The following METTL1 variants were observed in gnomAD, a reference collection of about 807,000 sequenced individuals.
METTL1 encodes the protein methyltransferase 1, tRNA methylguanosine.
METTL1 carries 14 observed loss-of-function variants against 27.7 expected under a neutral mutation model. The observed-to-expected ratio is 0.51, with a 90% CI of 0.33 to 0.79. The LOEUF (loss-of-function observed/expected upper bound fraction) is 0.79. Ranked by LOEUF, METTL1 falls within the 30% of genes least tolerant of loss-of-function variation. The pLI is 0.02. For missense variants in METTL1, 333 were observed against 359.6 expected, an observed-to-expected ratio of 0.93 and a Z score of 0.60; for synonymous variants, 138 against 137.0, an observed-to-expected ratio of 1.01 and a Z score of -0.05.
At position 57,769,601 on chromosome 12, in the gene METTL1, G is replaced by C; in HGVS notation, c.537C>G (p.Thr179=). 1.3e-6 allele frequency: 2 copies of C among 1,554,280 alleles called. No homozygotes were observed. Among genetic ancestry groups the C allele is most frequent in the East Asian group, 2.3e-5 (1 of 44,336 alleles). Residue 179 remains threonine, a synonymous_variant, in exon 4 of 6, where the codon ACC becomes ACG. Coordinates refer to ENST00000324871, the MANE Select transcript of METTL1 (RefSeq NM_005371.6). ...TKHKWRIISP[T]LLAEYAYVLR... is the part of the protein sequence containing the mutation. ...GCACGTAGGCATATTCTGCTAGCAG[G>C]GTGGGACTGATGATTCGCCACTTGT...
In METTL1 at chr12:57,768,766, C is replaced by A. The variant is rs1298355067; in HGVS notation, c.*230G>T. 3 of 489,032 alleles carry A rather than the reference C, an allele frequency of 6.1e-6. No homozygotes were observed. The highest frequency in any genetic ancestry group is 5.7e-5 in the African/African-American group (3 of 52,728). 30.3% of individuals were successfully genotyped at this position (489,032 alleles called of 1,614,324 possible). A position where few individuals can be genotyped will look rare whatever the true frequency, so the allele number is the denominator to read the frequency against. ...CCAAAGATCCCCTATGGTCCAAAGT[C>A]CTTTGACCATCTCAGTCAGCTGCTT... On this transcript the variant is annotated 3_prime_UTR_variant, in exon 6 of 6. Coordinates refer to ENST00000324871, the MANE Select transcript of METTL1 (RefSeq NM_005371.6).
Position 57,772,078 on chromosome 12 carries a change from T to C in METTL1, c.6A>G (p.Ala2=), listed in dbSNP as rs755913495. 6 of 1,565,050 alleles carry C rather than the reference T, an allele frequency of 3.8e-6. No individual in the cohort carries two copies. Among genetic ancestry groups the C allele is most frequent in the Non-Finnish European group, 5.2e-6 (6 of 1,163,468 alleles). Residue 2 remains alanine, a synonymous_variant, in exon 1 of 6, where the codon GCA becomes GCG. Coordinates refer to ENST00000324871, the MANE Select transcript of METTL1 (RefSeq NM_005371.6). The surrounding 1 kb of genome is among the most constrained non-coding windows in gnomAD (Gnocchi z 4.1). M[A]AETRNVAGAE... is the part of the protein sequence containing the mutation. ...CTCCGGCCACGTTCCGAGTCTCGGC[T>C]GCCATGATCCCAGTCCGGGGTTTCT...
In METTL1 at chr12:57,771,961, G is replaced by T. The variant is rs1272443699; in HGVS notation, c.110+13C>A. ...ATCCCGCCCTCCTCTCTCTCCCTCT[G>T]CCCACTCCTCACTAGCGCAGCGTGT... is the stretch of plus-strand genomic sequence containing the variant. On this transcript the variant is annotated intron_variant, in intron 1 of 5. Transcript: ENST00000324871. 16 of 1,504,032 alleles carry T rather than the reference G, an allele frequency of 1.1e-5. No homozygotes were observed. Among genetic ancestry groups the T allele is most frequent in the Non-Finnish European group, 1.3e-5 (15 of 1,132,232 alleles). The allele number at this position is 1,504,032 out of a possible 1,614,324, so 93.2% of individuals were successfully genotyped here. A position where few individuals can be genotyped will look rare whatever the true frequency, so the allele number is the denominator to read the frequency against.
In METTL1 at chr12:57,769,330, C is replaced by G; in HGVS notation, c.648G>C (p.Leu216=). The change falls in exon 5 of 6, where the codon CTG becomes CTC. Residue 216 remains leucine, a synonymous_variant. Transcript: ENST00000324871. ...GGTCCTCCAGAGGCACACGCTCAAACAGTGGGTGCTCTTCGAAATGAGTGC... is the reference window on the plus strand; with the variant it reads ...GGTCCTCCAGAGGCACACGCTCAAAGAGTGGGTGCTCTTCGAAATGAGTGC... ...WMCTHFEEHP[L]FERVPLEDLS... 6.2e-7 allele frequency: 1 copy of G among 1,614,188 alleles called. No individual in the cohort carries two copies. The highest frequency in any genetic ancestry group is 8.5e-7 in the Non-Finnish European group (1 of 1,180,026).
chr12:57,769,943 C>A lies in METTL1; in HGVS notation c.288G>T (p.Pro96=). The A allele has an allele frequency of 6.2e-7, 1 of 1,607,940 alleles. No homozygotes were observed. Among genetic ancestry groups the A allele is most frequent in the Non-Finnish European group, 8.5e-7 (1 of 1,176,460 alleles). ...GYGGLLVELS[P]LFPDTLILGL... ...CCAGAATAAGTGTGTCTGGGAACAG[C>A]GGTGACAGTTCCACTGCACACAGAA... is the stretch of plus-strand genomic sequence containing the variant. Residue 96 remains proline (P), a synonymous_variant, in exon 3 of 6, where the codon CCG becomes CCT. Transcript: ENST00000324871.
chr12:57,770,987 T>C, intron 2 of METTL1, 107 bp downstream of exon 2: 1 of 1,205,908 alleles, frequency 8.3e-7, no homozygotes, highest in Non-Finnish European at 1.2e-6. Flanking sequence ...ATGTCACCAG[T>C]GTCTGGACGA....
At position 57,771,698 on chromosome 12, in the gene METTL1, A is replaced by G. The variant is rs1955434455; in HGVS notation, c.110+276T>C. 7 of 1,487,322 alleles carry G rather than the reference A, an allele frequency of 4.7e-6. No homozygotes were observed. The Admixed American group carries it at 1.3e-4, about 27-fold the overall frequency. The allele number at this position is 1,487,322 out of a possible 1,614,324, so 92.1% of individuals were successfully genotyped here. ...CAACAAACAAAAGCAAAAGATGGAAACGACATTCTGCCTCTATCACTTCAG... is the reference window on the plus strand; with the variant it reads ...CAACAAACAAAAGCAAAAGATGGAAGCGACATTCTGCCTCTATCACTTCAG... On this transcript the variant is annotated intron_variant, in intron 1 of 5. Transcript: ENST00000324871.
At position 57,769,136 on chromosome 12, in the gene METTL1, C is replaced by A; in HGVS notation, c.691G>T (p.Val231Leu). Residue 231 changes from valine to leucine, a missense_variant, in exon 6 of 6, where the codon GTG becomes TTG. Physicochemically the swap from Val to Leu is conservative, Grantham distance 32 (BLOSUM62 1). Coordinates refer to ENST00000324871, the MANE Select transcript of METTL1 (RefSeq NM_005371.6). The part of the protein sequence containing the change: ...PLEDLSEDPV[V>L]GHLGTSTEEG... ...TCAGTTGAGGTGCCTAGATGTCCCA[C>A]AACGGGGTCTTCACTCTGGGAGAAG... 6.2e-7 allele frequency: 1 copy of A among 1,603,310 alleles called. No individual in the cohort carries two copies. The highest frequency in any genetic ancestry group is 8.5e-7 in the Non-Finnish European group (1 of 1,170,740).
In METTL1 at chr12:57,769,618, G is replaced by A. The variant is rs1267461239; in HGVS notation, c.520C>T (p.Arg174Ter). 3.2e-6 allele frequency: 5 copies of A among 1,553,322 alleles called. No homozygotes were observed. Among genetic ancestry groups the A allele is most frequent in the African/African-American group, 2.7e-5 (2 of 73,514 alleles). The change falls in exon 4 of 6, where the codon CGA becomes TGA. Residue 174 changes from arginine to a stop codon, truncating the protein, a stop_gained. Transcript: ENST00000324871. LOFTEE classifies it high-confidence loss of function. ...PHFKRTKHKW[R>*]IISPTLLAEY... ...GCTAGCAGGGTGGGACTGATGATTC[G>A]CCACTTGTGCTTTGTCCGCTTGAAA... is the stretch of plus-strand genomic sequence containing the variant.
At chr12:57,769,492 A>AC (rs1224810091) in intron 4 of METTL1, 73 bp downstream of exon 4, 9 of 1,578,036 alleles carry the variant, frequency 5.7e-6, no homozygotes. Context: ...CCCTAAATGC[A>AC]CCCCCACTGA....
At chr12:57,770,677 CA>C in intron 2 of METTL1, 2 of 177,966 alleles carry the variant, frequency 1.1e-5, no homozygotes, top group South Asian at 1.3e-4. Context: ...AAGAGGAACC[CA>C]AAAAACAGGA....
At position 57,769,399 on chromosome 12, in the gene METTL1, C is replaced by G; in HGVS notation, c.579G>C (p.Leu193=). The G allele has an allele frequency of 6.2e-7, 1 of 1,614,094 alleles. No homozygotes were observed. The highest frequency in any genetic ancestry group is 1.1e-5 in the South Asian group (1 of 91,074). The change falls in exon 5 of 6, where the codon CTG becomes CTC. Residue 193 remains leucine (L), a synonymous_variant. Coordinates refer to ENST00000324871, the MANE Select transcript of METTL1 (RefSeq NM_005371.6). ...EYAYVLRVGG[L]VYTITDVLEL... ...CCAGCACATCGGTTATGGTATACAC[C>G]AGCCCCTGCATAGGCAAAATCACCC...
chr12:57,769,751 C>T, intron 3 of METTL1, 21 bp downstream of exon 3: 1 of 1,613,242 alleles, frequency 6.2e-7, no homozygotes, highest in Non-Finnish European at 8.5e-7. Context: ...ACCAGCCTAA[C>T]CCACCAGGGC....
rs1955408632 is a variant in METTL1 at position 57,769,912 on chromosome 12, C to T, written c.319G>A (p.Glu107Lys). 1.9e-6 allele frequency: 3 copies of T among 1,613,118 alleles called. No homozygotes were observed. Among genetic ancestry groups the T allele is most frequent in the Non-Finnish European group, 1.7e-6 (2 of 1,179,552 alleles). The change falls in exon 3 of 6, where the codon GAG (glutamate) becomes AAG (lysine). Residue 107 changes from glutamate to lysine, a missense_variant. Glu to Lys is a moderately conservative substitution (Grantham distance 56, BLOSUM62 1). Coordinates refer to ENST00000324871, the MANE Select transcript of METTL1 (RefSeq NM_005371.6). The part of the protein sequence containing the change: ...LFPDTLILGL[E>K]IRVKVSDYVQ... The stretch of plus-strand genomic sequence containing the variant: ...TAGTCTGAGACCTTCACCCGGATCT[C>T]CAGACCCAGAATAAGTGTGTCTGGG...
In METTL1 at chr12:57,772,042, T is replaced by G. The variant is rs1565815163; in HGVS notation, c.42A>C (p.Pro14=). 1.3e-6 allele frequency: 2 copies of G among 1,553,664 alleles called. No individual in the cohort carries two copies. The highest frequency in any genetic ancestry group is 1.7e-6 in the Non-Finnish European group (2 of 1,159,426). Residue 14 remains proline (P), a synonymous_variant, in exon 1 of 6, where the codon CCA becomes CCC. Coordinates refer to ENST00000324871, the MANE Select transcript of METTL1 (RefSeq NM_005371.6). The surrounding 1 kb of genome is among the most constrained non-coding windows in gnomAD (Gnocchi z 4.1). ...ETRNVAGAEA[P]PPQKRYYRQR... ...GCCGGTAGTAGCGCTTCTGGGGCGG[T>G]GGGGCCTCTGCTCCGGCCACGTTCC...
rs1359802489 is a variant in METTL1, at chr12:57,769,337, T to C, written c.641A>G (p.His214Arg). The change falls in exon 5 of 6, where the codon CAC (histidine) becomes CGC (arginine). Residue 214 changes from histidine (H) to arginine (R), a missense_variant. Transcript: ENST00000324871. The part of the protein sequence containing the change: ...HDWMCTHFEE[H>R]PLFERVPLED... ...CAGAGGCACACGCTCAAACAGTGGGTGCTCTTCGAAATGAGTGCACATCCA... is the reference window on the plus strand; with the variant it reads ...CAGAGGCACACGCTCAAACAGTGGGCGCTCTTCGAAATGAGTGCACATCCA... The C allele has an allele frequency of 2.5e-6, 4 of 1,614,152 alleles. No individual in the cohort carries two copies. Among genetic ancestry groups the C allele is most frequent in the East Asian group, 2.2e-5 (1 of 44,882 alleles).
chr12:57,771,187 G>C lies in METTL1; in HGVS notation c.181C>G (p.Gln61Glu). 6.2e-7 allele frequency: 1 copy of C among 1,614,212 alleles called. No individual in the cohort carries two copies. The highest frequency in any genetic ancestry group is 1.1e-5 in the South Asian group (1 of 91,084). The change falls in exon 2 of 6, where the codon CAG becomes GAG. Residue 61 changes from glutamine to glutamate, a missense_variant. Transcript: ENST00000324871. ...PEFFAPLTQNQSHDDPKDKKE... is the reference protein window; with the variant it reads ...PEFFAPLTQNESHDDPKDKKE... Reference sequence around the variant, plus strand: ...TTATCCTTTGGGTCATCGTGGCTCTGATTTTGAGTGAGTGGAGCGAAGAAC... The same window carrying C: ...TTATCCTTTGGGTCATCGTGGCTCTCATTTTGAGTGAGTGGAGCGAAGAAC...
intron 2 of METTL1, chr12:57,770,758 GA>G (rs1421028491): frequency 4.6e-6 from 1 of 216,666 alleles, no homozygotes; most frequent in East Asian, 1.1e-4. Flanking sequence ...GAATCTCTGA[GA>G]AAAGACAGTT....
intron 4 of METTL1, 67 bp from the exon 5 acceptor site, chr12:57,769,471 G>A: frequency 6.3e-7 from 1 of 1,596,372 alleles, no homozygotes; most frequent in Non-Finnish European, 8.6e-7. Flanking sequence ...GAAGGAAGTG[G>A]TGGTGTGAGT....
Sources: gnomAD v4.1 joint callset for allele counts on GRCh38, gnomAD v4.1.1 for gene constraint, Gnocchi (gnomAD v3.1) non-coding constraint, MANE v1.5 for transcripts, NCBI Gene and HGNC (gene_info 2026-07-23, HGNC 2026-07-21) for gene names.